ANKS1B: variants seen among roughly 807,000 people sequenced by gnomAD.
The protein encoded by ANKS1B is ankyrin repeat and sterile alpha motif domain containing 1B, also known as ankyrin repeat and sterile alpha motif domain-containing protein 1B.
In ANKS1B, 36 loss-of-function variants were observed where a neutral mutation model predicts 148.3. The observed-to-expected ratio is 0.24, with a 90% confidence interval of 0.19 to 0.32. The LOEUF (loss-of-function observed/expected upper bound fraction) is 0.32. Ranked by LOEUF, ANKS1B falls within the 10% of genes least tolerant of loss-of-function variation. The pLI is 1.00. For missense variants in ANKS1B, 1,157 were observed against 1,542.6 expected, an observed-to-expected ratio of 0.75 and a Z score of 4.19; for synonymous variants, 542 against 560.8, an observed-to-expected ratio of 0.97 and a Z score of 0.47.
chr12:99,916,851 T>C (rs1203833957), intron 1 of ANKS1B, among the ~76,000 whole-genome samples: 1 of 152,198 alleles, frequency 6.6e-6, no homozygotes, highest in Non-Finnish European at 1.5e-5. Flanking sequence ...CTAGTGCCAA[T>C]TCATAAATTT....
intron 10 of ANKS1B, among the ~76,000 whole-genome samples, chr12:99,473,052 T>C (rs780276896): frequency 5.3e-4 from 80 of 152,086 alleles, no homozygotes; most frequent in Non-Finnish European, 1.0e-3. Flanking sequence ...ATCTCTTTTA[T>C]ATCCTGTCAC....
chr12:99,194,777 A>T (rs1265701384), intron 14 of ANKS1B, among the ~76,000 whole-genome samples: 2 of 152,154 alleles, frequency 1.3e-5, no homozygotes, highest in East Asian at 3.9e-4. Context: ...TTATTTTTAC[A>T]TGCAATATAT....
At chr12:99,008,994 G>A (rs1450591447) in intron 17 of ANKS1B, among the ~76,000 whole-genome samples, 1 of 152,172 alleles carries the variant, frequency 6.6e-6, no homozygotes, top group Non-Finnish European at 1.5e-5. Context: ...GGATGCTGGA[G>A]CCTGCATGGG....
intron 8 of ANKS1B, among the ~76,000 whole-genome samples, chr12:99,748,021 A>G (rs1194555057): frequency 1.3e-5 from 2 of 152,088 alleles, no homozygotes; most frequent in African/African-American, 2.4e-5. Context: ...TCTTAAAGGT[A>G]GAGACTTAAT....
rs578140273 is a variant in ANKS1B at position 99,536,739 on chromosome 12, A to G, written c.1273-32098T>C. 3.3e-5 allele frequency among the ~76,000 whole-genome samples: 5 copies of G among 152,202 alleles called. No homozygotes were observed. The East Asian group carries it at 9.7e-4, about 29-fold the overall frequency. ...TGAAGAACGGGGTATCCAATCCCTC[A>G]AGCATTTACCCATTGAGTTTCAAAC... is the stretch of plus-strand genomic sequence containing the variant. On this transcript the variant is annotated intron_variant, in intron 9 of 26. Transcript: ENST00000683438.
chr12:99,884,700 A>G (rs1016627809), intron 1 of ANKS1B, among the ~76,000 whole-genome samples: 3 of 152,206 alleles, frequency 2.0e-5, no homozygotes, highest in African/African-American at 7.2e-5. Flanking sequence ...GCAAAAAAAC[A>G]GGGACAGAGA....
chr12:99,450,011 T>TC (rs2095705207), intron 10 of ANKS1B, among the ~76,000 whole-genome samples: 1 of 151,972 alleles, frequency 6.6e-6, no homozygotes, highest in African/African-American at 2.4e-5. Flanking sequence ...AGTCCAAAGA[T>TC]CTGCAGTTGG....
chr12:99,556,332 A>C (rs1239865641), intron 9 of ANKS1B, among the ~76,000 whole-genome samples: 1 of 151,818 alleles, frequency 6.6e-6, no homozygotes, highest in South Asian at 2.1e-4. Flanking sequence ...TTTTTTCTTT[A>C]GTATTCCGGC....
intron 8 of ANKS1B, among the ~76,000 whole-genome samples, 183 bp from the exon 9 acceptor site, chr12:99,655,393 A>G (rs1456188509): frequency 6.6e-6 from 1 of 152,186 alleles, no homozygotes; most frequent in East Asian, 1.9e-4. Context: ...ACTTAAGTTA[A>G]AAGTGAAAAA....
At chr12:99,425,978 G>A (rs2095246043) in intron 11 of ANKS1B, among the ~76,000 whole-genome samples, 1 of 152,012 alleles carries the variant, frequency 6.6e-6, no homozygotes, top group Non-Finnish European at 1.5e-5. Context: ...GTAAATGTTT[G>A]TATCTGTAAG....
chr12:99,153,112 CT>C (rs1344592987), intron 15 of ANKS1B, among the ~76,000 whole-genome samples: 2 of 151,996 alleles, frequency 1.3e-5, no homozygotes, highest in Admixed American at 1.3e-4. Flanking sequence ...ATATTTATGT[CT>C]TTTTTATTTT....
chr12:99,762,465 A>T (rs2062226776), intron 8 of ANKS1B, among the ~76,000 whole-genome samples: 1 of 152,114 alleles, frequency 6.6e-6, no homozygotes, highest in Non-Finnish European at 1.5e-5. Flanking sequence ...TAGTGCTGGG[A>T]TACCTGGCTA....
chr12:98,844,178 T>C (rs537677169), intron 17 of ANKS1B, among the ~76,000 whole-genome samples: 19 of 152,324 alleles, frequency 1.2e-4, no homozygotes, highest in African/African-American at 4.6e-4. Flanking sequence ...TATATGCCTT[T>C]TGGTCAATTA....
At chr12:98,834,967 A>G (rs1202885976) in intron 17 of ANKS1B, among the ~76,000 whole-genome samples, 3 of 152,098 alleles carry the variant, frequency 2.0e-5, no homozygotes, top group Non-Finnish European at 4.4e-5. Flanking sequence ...CTTCTATTGG[A>G]TATAAATTCC....
chr12:99,564,632 A>T (rs2097370084), intron 9 of ANKS1B, among the ~76,000 whole-genome samples: 1 of 152,096 alleles, frequency 6.6e-6, no homozygotes, highest in Non-Finnish European at 1.5e-5. Context: ...ATTTCTTCTT[A>T]TCCTAATAAT....
chr12:99,864,079 C>CA (rs11445634), intron 1 of ANKS1B, among the ~76,000 whole-genome samples: 23,955 of 65,088 alleles, frequency 0.37, 5,011 homozygotes, highest in African/African-American at 0.49. Context: ...GACTACATCT[C>CA]AAAAAAAAAA....
chr12:99,204,511 T>C (rs10507110), intron 14 of ANKS1B, among the ~76,000 whole-genome samples: 11,171 of 152,286 alleles, frequency 0.073, 1,382 homozygotes, highest in African/African-American at 0.26. Context: ...TGTGTTTCCA[T>C]GGATCAAGTT....
At chr12:99,595,574 T>TA (rs1229905226) in intron 9 of ANKS1B, among the ~76,000 whole-genome samples, 1 of 151,898 alleles carries the variant, frequency 6.6e-6, no homozygotes, top group Non-Finnish European at 1.5e-5. Context: ...ATAAAACTAA[T>TA]TATGTCCAAC....
rs899116036 is a variant in ANKS1B at position 99,230,521 on chromosome 12, T to C, written c.2419+13821A>G. Among the ~76,000 whole-genome samples the C allele has an allele frequency of 5.4e-4, 83 of 152,298 alleles. 1 individual carries two copies. The highest frequency in any genetic ancestry group is 1.8e-3 in the African/African-American group (76 of 41,580). ...CATAAGCAAATATTAGACCACAGAA[T>C]AATACTCAACTATTTTACACTTAAG... On this transcript the variant is annotated intron_variant, in intron 14 of 26. Transcript: ENST00000683438.
Sources: allele counts gnomAD v4.1 joint callset (sites outside exome capture counted in the v4.1 genomes callset), GRCh38; gene constraint gnomAD v4.1.1; transcripts MANE v1.5; gene names NCBI Gene and HGNC (gene_info 2026-07-23, HGNC 2026-07-21).